Variants in DOP1B observed in about 807,000 individuals in gnomAD.
DOP1B encodes protein DOP1B.
A neutral mutation model predicts 233.5 loss-of-function variants in DOP1B; 174 were observed. The ratio of observed to expected loss-of-function variants is 0.75; its 90% CI spans 0.66 to 0.85. The LOEUF (loss-of-function observed/expected upper bound fraction) is 0.85, where lower values mean the gene tolerates loss of function less well. Ranked by LOEUF, DOP1B falls within the 40% of genes least tolerant of loss-of-function variation. The pLI, the probability that DOP1B is intolerant of heterozygous loss-of-function variation, is 0.00. For missense variants in DOP1B, 2,652 were observed against 2,846.6 expected (o/e 0.93, Z 1.56); for synonymous variants, 1,190 against 1,185.6 (o/e 1.00, Z -0.08).
intron 4 of DOP1B, among the ~76,000 whole-genome samples, chr21:36,204,598 C>A (rs999884374): frequency 7.2e-5 from 11 of 151,754 alleles, no homozygotes; most frequent in African/African-American, 2.7e-4. Flanking sequence ...ATCCTCCGGC[C>A]TCAGCCTTCC....
chr21:36,281,552 CT>C lies in DOP1B; in HGVS notation c.6105del (p.Phe2035LeufsTer17). 6.2e-7 allele frequency: 1 copy of C among 1,610,236 alleles called. No homozygotes were observed. The highest frequency in any genetic ancestry group is 2.2e-5 in the East Asian group (1 of 44,780). The stretch of plus-strand genomic sequence containing the variant: ...AAAGCCATGCTGTTAAAGCGCCAGG[CT>C]TTTGCTGTCTTCAGTGGAGAACTTG... ...EQKAMLLKRQAFAVFSGELDQ... is the reference protein window; with the variant it reads ...EQKAMLLKRQXFAVFSGELDQ... On this transcript the variant is annotated frameshift_variant, in exon 32 of 37. Coordinates refer to ENST00000691173, the MANE Select transcript of DOP1B (RefSeq NM_001320714.2). LOFTEE classifies it high-confidence loss of function.
chr21:36,230,806 T>C lies in DOP1B; in HGVS notation c.2022T>C (p.Asn674=), dbSNP rs763530260. Residue 674 remains asparagine (N), a synonymous_variant, in exon 14 of 37, where the codon AAT becomes AAC. Coordinates refer to ENST00000691173, the MANE Select transcript of DOP1B (RefSeq NM_001320714.2). Reference sequence around the variant, plus strand: ...ATGGGACGCAGAGCCTGGCAGCCAATGATTCCAGCAGGAAGAACTCTTGGG... The same window carrying C: ...ATGGGACGCAGAGCCTGGCAGCCAACGATTCCAGCAGGAAGAACTCTTGGG... ...DRDGTQSLAA[N]DSSRKNSWEP... is the part of the protein sequence containing the mutation. The C allele has an allele frequency of 6.2e-7, 1 of 1,614,042 alleles. No homozygotes were observed. The highest frequency in any genetic ancestry group is 8.5e-7 in the Non-Finnish European group (1 of 1,179,978).
chr21:36,235,863 C>CGGT, intron 15 of DOP1B, among the ~76,000 whole-genome samples: 1 of 113,106 alleles, frequency 8.8e-6, no homozygotes, highest in East Asian at 2.8e-4. Context: ...GCAAGGAAGT[C>CGGT]GGGGGGGGGG....
chr21:36,230,154 C>CT (rs1569036448), intron 13 of DOP1B, among the ~76,000 whole-genome samples: 1 of 152,110 alleles, frequency 6.6e-6, no homozygotes, highest in South Asian at 2.1e-4. Flanking sequence ...TCTTAAACAA[C>CT]TTTTTTGAAC....
At chr21:36,213,956 T>C in intron 7 of DOP1B, 125 bp from the exon 8 acceptor site, 1 of 736,610 alleles carries the variant, frequency 1.4e-6, no homozygotes, top group South Asian at 1.8e-5. Flanking sequence ...TCTTTCTGGA[T>C]CTGATTTTGG....
chr21:36,227,646 A>T, intron 12 of DOP1B, 40 bp from the exon 13 acceptor site: 1 of 1,438,008 alleles, frequency 7.0e-7, no homozygotes, highest in Non-Finnish European at 9.2e-7. Context: ...TCTGATTGTG[A>T]ACCAACATTG....
chr21:36,201,017 T>C (rs550890610), intron 4 of DOP1B, among the ~76,000 whole-genome samples: 1 of 152,302 alleles, frequency 6.6e-6, no homozygotes, highest in East Asian at 1.9e-4. Context: ...TGAGATCCTT[T>C]AGGCGGAGAG....
At chr21:36,291,613 A>G (rs913043687) in intron 35 of DOP1B, among the ~76,000 whole-genome samples, 2 of 152,166 alleles carry the variant, frequency 1.3e-5, no homozygotes, top group South Asian at 4.1e-4. Context: ...AACATTATTT[A>G]TAATAGGCAA....
intron 2 of DOP1B, among the ~76,000 whole-genome samples, chr21:36,194,088 A>G (rs971859698): frequency 6.6e-6 from 1 of 152,210 alleles, no homozygotes; most frequent in Non-Finnish European, 1.5e-5. Context: ...CTGGTGCCCA[A>G]GCTTGCATAT....
At chr21:36,222,211 C>T (rs576907120) in intron 10 of DOP1B, among the ~76,000 whole-genome samples, 6 of 152,180 alleles carry the variant, frequency 3.9e-5, no homozygotes, top group African/African-American at 1.4e-4. Context: ...TGGTACACTT[C>T]TGCACACATC....
chr21:36,237,395 C>A lies in DOP1B; in HGVS notation c.2756C>A (p.Ala919Asp). 1 of 1,614,090 alleles carries A rather than the reference C, an allele frequency of 6.2e-7. No homozygotes were observed. The highest frequency in any genetic ancestry group is 8.5e-7 in the Non-Finnish European group (1 of 1,180,040). Residue 919 changes from alanine to aspartate, a missense_variant, in exon 16 of 37, where the codon GCC becomes GAC. Transcript: ENST00000691173. ...ANICEDIICH[A>D]LLDPDKGTRL... ...ATCTGCGAGGACATCATCTGCCATGCCCTCCTGGACCCTGACAAGGTGAGC... is the reference window on the plus strand; with the variant it reads ...ATCTGCGAGGACATCATCTGCCATGACCTCCTGGACCCTGACAAGGTGAGC...
chr21:36,246,005 G>T lies in DOP1B; in HGVS notation c.4025G>T (p.Arg1342Leu). The T allele has an allele frequency of 6.2e-7, 1 of 1,613,932 alleles. No individual in the cohort carries two copies. Among genetic ancestry groups the T allele is most frequent in the Non-Finnish European group, 8.5e-7 (1 of 1,179,984 alleles). Reference protein sequence around the residue: ...KVSHRDILGNRDVQVKSVEVL... With the variant: ...KVSHRDILGNLDVQVKSVEVL... ...TCGCACCGAGACATTCTCGGCAACC[G>T]GGACGTGCAGGTCAAAAGTGTCGAG... is the stretch of plus-strand genomic sequence containing the variant. Residue 1342 changes from arginine to leucine, a missense_variant, in exon 19 of 37, where the codon CGG (arginine) becomes CTG (leucine). This residue lies in a region of DOP1B where 2,617 missense variants were observed against 2,794.3 expected (regional missense o/e 0.94). Coordinates refer to ENST00000691173, the MANE Select transcript of DOP1B (RefSeq NM_001320714.2). This position sits in a 1 kb window ranked among gnomAD's most constrained non-coding sequence, Gnocchi z 5.1.
At chr21:36,207,598 G>T (rs1027336517) in intron 4 of DOP1B, among the ~76,000 whole-genome samples, 1 of 150,750 alleles carries the variant, frequency 6.6e-6, no homozygotes, top group East Asian at 2.0e-4. Flanking sequence ...GAGCACGGGC[G>T]TGCACAGATG....
intron 4 of DOP1B, among the ~76,000 whole-genome samples, chr21:36,206,837 C>T (rs1016086586): frequency 6.6e-6 from 1 of 152,190 alleles, no homozygotes; most frequent in Admixed American, 6.5e-5. Flanking sequence ...GCCATTAAAT[C>T]GCCCTGCCTA....
chr21:36,187,796 A>G (rs11909612), intron 2 of DOP1B, among the ~76,000 whole-genome samples: 5,136 of 151,302 alleles, frequency 0.034, 109 homozygotes, highest in South Asian at 0.07. Flanking sequence ...TTATAGAGAC[A>G]GGGTTTTGCC....
In DOP1B at chr21:36,288,069, G is replaced by T; in HGVS notation, c.6216G>T (p.Met2072Ile). ...AGACATCCATAGTTGCTGCTCAGAT[G>T]TTTCTTTTTTTCAGAGTTTTGCTGC... ...VGQTSIVAAQ[M>I]FLFFRVLLLR... The change falls in exon 33 of 37, where the codon ATG (methionine) becomes ATT (isoleucine). Residue 2072 changes from methionine to isoleucine, a missense_variant. By Grantham distance (10) the Met-to-Ile change is conservative (BLOSUM62 1). Coordinates refer to ENST00000691173, the MANE Select transcript of DOP1B (RefSeq NM_001320714.2). 6.2e-7 allele frequency: 1 copy of T among 1,614,022 alleles called. No homozygotes were observed. Among genetic ancestry groups the T allele is most frequent in the Non-Finnish European group, 8.5e-7 (1 of 1,179,992 alleles).
intron 10 of DOP1B, among the ~76,000 whole-genome samples, chr21:36,221,982 G>A (rs149465825): frequency 0.021 from 3,191 of 151,664 alleles, 79 homozygotes; most frequent in African/African-American, 0.069. Flanking sequence ...AGCAATTTTC[G>A]TGCCTCAGCC....
In DOP1B at chr21:36,293,622, C is replaced by T; in HGVS notation, c.*51C>T. On this transcript the variant is annotated 3_prime_UTR_variant, in exon 37 of 37. Transcript: ENST00000691173. ...CCATGTATTGGTACTTTACTGAAAA[C>T]CAGGTTATATTCTAAAGAAGAAAGA... The T allele has an allele frequency of 6.3e-7, 1 of 1,576,370 alleles. No individual in the cohort carries two copies. The highest frequency in any genetic ancestry group is 8.7e-7 in the Non-Finnish European group (1 of 1,151,664).
chr21:36,175,926 G>A (rs1363472742), intron 2 of DOP1B: 1 of 152,342 alleles, frequency 6.6e-6, no homozygotes, highest in Admixed American at 6.5e-5. Flanking sequence ...ATGTGATGAG[G>A]AGGTGCAGGC....
Sources: allele counts gnomAD v4.1 joint callset (sites outside exome capture counted in the v4.1 genomes callset), GRCh38; gene constraint gnomAD v4.1.1; regional missense constraint gnomAD v4.1.1; non-coding constraint Gnocchi (gnomAD v3.1); transcripts MANE v1.5; gene names NCBI Gene and HGNC (gene_info 2026-07-23, HGNC 2026-07-21).